The following LHFPL4 variants were observed in gnomAD, a reference collection of about 807,000 sequenced individuals.
LHFPL4 encodes the protein LHFPL tetraspan subfamily member 4.
LHFPL4 carries 6 observed loss-of-function variants against 20.0 expected under a neutral mutation model. That is an observed-to-expected ratio of 0.30 (90% CI 0.16 to 0.59). The LOEUF (loss-of-function observed/expected upper bound fraction) is 0.59, where lower values mean the gene tolerates loss of function less well. Among genes scored for constraint, LHFPL4 ranks in the 20% least tolerant of loss-of-function variants. LHFPL4 has a pLI of 0.88. For missense variants in LHFPL4, 215 were observed against 331.2 expected (o/e 0.65, Z 2.72); for synonymous variants, 129 against 143.8 (o/e 0.90, Z 0.74).
chr3:9,548,817 C>G (rs996708411), intron 2 of LHFPL4, among the ~76,000 whole-genome samples: 4 of 152,168 alleles, frequency 2.6e-5, no homozygotes, highest in Admixed American at 2.6e-4. Flanking sequence ...GAGGTGGACA[C>G]TTGACCAAGC....
intron 2 of LHFPL4, among the ~76,000 whole-genome samples, chr3:9,537,818 GCA>G (rs2046452663): frequency 1.3e-5 from 2 of 151,996 alleles, no homozygotes; most frequent in Admixed American, 6.6e-5. Context: ...TTCTCCTTGG[GCA>G]ATTTCATCTA....
chr3:9,507,605 G>C (rs2046227879), intron 2 of LHFPL4, among the ~76,000 whole-genome samples: 1 of 152,240 alleles, frequency 6.6e-6, no homozygotes. Flanking sequence ...GGAGGACAAA[G>C]GCAAAGAGGA....
Position 9,552,431 on chromosome 3 carries a change from G to A in LHFPL4, c.249C>T (p.Asp83=). 6.2e-7 allele frequency: 1 copy of A among 1,613,678 alleles called. No individual in the cohort carries two copies. The highest frequency in any genetic ancestry group is 8.5e-7 in the Non-Finnish European group (1 of 1,179,912). The change falls in exon 2 of 4, where the codon GAC becomes GAT. Residue 83 remains aspartate (D), a synonymous_variant. Coordinates refer to ENST00000287585, the MANE Select transcript of LHFPL4 (RefSeq NM_198560.3). ...AGGCGCTGGACGGGATGGTGCTGAA[G>A]TCGGTGAAGGAGCCCCGGCAGGTGA... ...RELTCRGSFT[D]FSTIPSSAFK... is the part of the protein sequence containing the mutation.
chr3:9,503,480 C>T (rs549269214), intron 3 of LHFPL4, among the ~76,000 whole-genome samples: 4 of 152,162 alleles, frequency 2.6e-5, no homozygotes, highest in Non-Finnish European at 4.4e-5. Context: ...CCTCTGAGTA[C>T]AGGTTAGCAG....
At chr3:9,542,262 G>A (rs1405219065) in intron 2 of LHFPL4, among the ~76,000 whole-genome samples, 4 of 152,126 alleles carry the variant, frequency 2.6e-5, no homozygotes, top group Non-Finnish European at 4.4e-5. Context: ...CTCCAGCCTG[G>A]GCACCAGAGC....
intron 2 of LHFPL4, among the ~76,000 whole-genome samples, chr3:9,531,192 T>G (rs1206625445): frequency 1.6e-4 from 24 of 152,144 alleles, no homozygotes; most frequent in Admixed American, 1.6e-3. Flanking sequence ...ATAAAAGATA[T>G]AATCATAATA....
intron 2 of LHFPL4, among the ~76,000 whole-genome samples, chr3:9,519,093 A>G (rs1256892713): frequency 6.6e-6 from 1 of 151,982 alleles, no homozygotes; most frequent in Non-Finnish European, 1.5e-5. Flanking sequence ...GCATGCCACC[A>G]TGCCCGTCTA....
chr3:9,506,265 C>T lies in LHFPL4; in HGVS notation c.407-62G>A, dbSNP rs2046217318. Reference sequence around the variant, plus strand: ...GGAAGGAAGAGAAAAGACCATTACTCGCTAGTGTCCGCAGTCTGGGCCCCA... The same window carrying T: ...GGAAGGAAGAGAAAAGACCATTACTTGCTAGTGTCCGCAGTCTGGGCCCCA... On this transcript the variant is annotated intron_variant, in intron 2 of 3. Coordinates refer to ENST00000287585, the MANE Select transcript of LHFPL4 (RefSeq NM_198560.3). The surrounding 1 kb of genome is among the most constrained non-coding windows in gnomAD (Gnocchi z 4.5). 3 of 1,370,046 alleles carry T rather than the reference C, an allele frequency of 2.2e-6. No homozygotes were observed. Among genetic ancestry groups the T allele is most frequent in the Non-Finnish European group, 3.1e-6 (3 of 963,118 alleles). The allele number at this position is 1,370,046 out of a possible 1,614,324, so 84.9% of individuals were successfully genotyped here.
chr3:9,501,828 G>A lies in LHFPL4; in HGVS notation c.*383C>T, dbSNP rs112701337. 2 of 200,894 alleles carry A rather than the reference G, an allele frequency of 1.0e-5. No homozygotes were observed. Among genetic ancestry groups the A allele is most frequent in the African/African-American group, 4.6e-5 (2 of 43,156 alleles). 12.4% of individuals were successfully genotyped at this position (200,894 alleles called of 1,614,324 possible). On this transcript the variant is annotated 3_prime_UTR_variant, in exon 4 of 4. Transcript: ENST00000287585. ...AAGAGGCAGGGACCAGAAGAGGTGC[G>A]GATACAGCCAGGCGGCAGCCCTCCA...
intron 2 of LHFPL4, among the ~76,000 whole-genome samples, chr3:9,512,526 A>C (rs1482066309): frequency 6.6e-6 from 1 of 152,226 alleles, no homozygotes; most frequent in Non-Finnish European, 1.5e-5. Flanking sequence ...ACCATGACAG[A>C]GACAAATATC....
intron 2 of LHFPL4, among the ~76,000 whole-genome samples, chr3:9,515,678 G>C (rs1158783691): frequency 1.3e-5 from 2 of 150,902 alleles, no homozygotes; most frequent in African/African-American, 4.9e-5. Flanking sequence ...CGCCTCAAGA[G>C]TTATTTGTAT....
Position 9,528,709 on chromosome 3 carries a change from G to A in LHFPL4, c.407-22506C>T, listed in dbSNP as rs544421774. On this transcript the variant is annotated intron_variant, in intron 2 of 3. Transcript: ENST00000287585. ...CAGCTCACTGCAACCTCTGTCTCCCGGGTTCAAGCAATTCTCCTGCCTCTA... is the reference window on the plus strand; with the variant it reads ...CAGCTCACTGCAACCTCTGTCTCCCAGGTTCAAGCAATTCTCCTGCCTCTA... 1.8e-3 allele frequency among the ~76,000 whole-genome samples: 280 copies of A among 151,580 alleles called. 1 individual carries two copies. The highest frequency in any genetic ancestry group is 6.2e-3 in the African/African-American group (256 of 41,332).
At chr3:9,510,213 G>A (rs1242661984) in intron 2 of LHFPL4, among the ~76,000 whole-genome samples, 3 of 152,126 alleles carry the variant, frequency 2.0e-5, no homozygotes, top group Non-Finnish European at 4.4e-5. Flanking sequence ...TACTTTGGGA[G>A]GCCGAGGTGG....
intron 2 of LHFPL4, 149 bp downstream of exon 2, chr3:9,552,125 A>C: frequency 1.2e-6 from 1 of 847,726 alleles, no homozygotes; most frequent in Non-Finnish European, 1.7e-6. Flanking sequence ...CCCCCTCCCC[A>C]ATACCCACTG....
At chr3:9,549,068 A>G (rs1406428694) in intron 2 of LHFPL4, among the ~76,000 whole-genome samples, 2 of 152,192 alleles carry the variant, frequency 1.3e-5, no homozygotes, top group African/African-American at 2.4e-5. Context: ...CCTGACTTTC[A>G]AATTAAGTGA....
chr3:9,518,961 A>AAT (rs2046320956), intron 2 of LHFPL4, among the ~76,000 whole-genome samples: 1 of 142,946 alleles, frequency 7.0e-6, no homozygotes, highest in Non-Finnish European at 1.5e-5. Flanking sequence ...TTAGAGACAG[A>AAT]GTCTCTCTCT....
chr3:9,526,142 T>A (rs2046373670), intron 2 of LHFPL4, among the ~76,000 whole-genome samples: 1 of 152,150 alleles, frequency 6.6e-6, no homozygotes, highest in Non-Finnish European at 1.5e-5. Context: ...GGACAAACAC[T>A]GTATGATTCC....
Position 9,502,314 on chromosome 3 carries a change from A to AAGAGAG in LHFPL4, c.644-9_644-4dup, listed in dbSNP as rs748612761. 46 of 1,521,094 alleles carry AAGAGAG rather than the reference A, an allele frequency of 3.0e-5. No homozygotes were observed. The highest frequency in any genetic ancestry group is 3.9e-5 in the Non-Finnish European group (43 of 1,105,666). 94.2% of individuals were successfully genotyped at this position (1,521,094 alleles called of 1,614,324 possible). A position where few individuals can be genotyped will look rare whatever the true frequency, so the allele number is the denominator to read the frequency against. On this transcript the variant is annotated splice_polypyrimidine_tract_variant and splice_region_variant and intron_variant, in intron 3 of 3. Transcript: ENST00000287585. Reference sequence around the variant, plus strand: ...GCTTACTGTAGAGCCCACAAAATCTAAGAGAGAGAGAGAGAGAGAGAAGGA... The same window carrying AAGAGAG: ...GCTTACTGTAGAGCCCACAAAATCTAAGAGAGAGAGAGAGAGAGAGAGAGAGAAGGA...
At chr3:9,542,534 T>C (rs1039649664) in intron 2 of LHFPL4, among the ~76,000 whole-genome samples, 3 of 152,108 alleles carry the variant, frequency 2.0e-5, no homozygotes, top group Non-Finnish European at 4.4e-5. Context: ...TGCCCTGACA[T>C]GGTGGCTCAC....
Sources: allele counts gnomAD v4.1 joint callset (sites outside exome capture counted in the v4.1 genomes callset), GRCh38; gene constraint gnomAD v4.1.1; non-coding constraint Gnocchi (gnomAD v3.1); transcripts MANE v1.5; gene names NCBI Gene and HGNC (gene_info 2026-07-23, HGNC 2026-07-21).